The following URB1 variants were observed in gnomAD, a reference collection of about 807,000 sequenced individuals.
URB1 encodes the protein nucleolar pre-ribosomal-associated protein 1.
In URB1, 197 loss-of-function variants were observed where a neutral mutation model predicts 242.3. That is an observed-to-expected ratio of 0.81 (90% confidence interval 0.72 to 0.91). The LOEUF is 0.91. URB1 is among the 40% of genes least tolerant of loss of function. The probability of loss-of-function intolerance (pLI) is 0.00; values close to 1 mark genes in which losing one functional copy is unlikely to be tolerated. For missense variants in URB1, 2,721 were observed against 2,860.5 expected (o/e 0.95, Z 1.11); for synonymous variants, 1,153 against 1,201.8 (o/e 0.96, Z 0.84).
At position 32,354,859 on chromosome 21, in the gene URB1, C is replaced by G. The variant is rs1436899014; in HGVS notation, c.2245G>C (p.Asp749His). ...CAGCGCAGAACAGAATGGAACATAC[C>G]GTCAATGTGGGAGATGGGAATGCTC... ...DMSIPISHID[D>H]VLDMVDVLVE... Residue 749 changes from aspartate (D) to histidine (H), a missense_variant and splice_region_variant, in exon 17 of 39, where the codon GAT becomes CAT. Physicochemically the swap from Asp to His is moderately conservative, Grantham distance 81. Coordinates refer to ENST00000382751, the MANE Select transcript of URB1 (RefSeq NM_014825.3). 7.7e-6 allele frequency: 12 copies of G among 1,552,158 alleles called. No individual in the cohort carries two copies. The South Asian group carries it at 1.4e-4, about 18-fold the overall frequency.
intron 1 of URB1, among the ~76,000 whole-genome samples, chr21:32,390,294 G>A (rs1032888480): frequency 5.3e-5 from 8 of 152,132 alleles, no homozygotes; most frequent in Non-Finnish European, 1.0e-4. Context: ...ACAATTAAAC[G>A]TGCTCTTTCT....
At chr21:32,364,769 T>C (rs1283853143) in intron 10 of URB1, among the ~76,000 whole-genome samples, 2 of 149,204 alleles carry the variant, frequency 1.3e-5, no homozygotes, top group African/African-American at 4.8e-5. Flanking sequence ...TAAAAGTTTT[T>C]TAGACAAAAC....
intron 5 of URB1, among the ~76,000 whole-genome samples, chr21:32,377,691 C>T (rs1209754148): frequency 6.6e-6 from 1 of 152,146 alleles, no homozygotes; most frequent in Non-Finnish European, 1.5e-5. Flanking sequence ...CCGGCAGTCA[C>T]GTTCCAGGGG....
intron 21 of URB1, among the ~76,000 whole-genome samples, chr21:32,348,201 CCAT>C (rs2033116234): frequency 6.6e-6 from 1 of 152,170 alleles, no homozygotes; most frequent in Non-Finnish European, 1.5e-5. Context: ...AGAAACACCA[CCAT>C]GTGAGTAAGA....
At chr21:32,342,205 G>A (rs542455183) in intron 24 of URB1, among the ~76,000 whole-genome samples, 117 of 152,214 alleles carry the variant, frequency 7.7e-4, no homozygotes, top group African/African-American at 2.6e-3. Flanking sequence ...TTTGTAATTA[G>A]CCTTTTATTA....
Position 32,347,782 on chromosome 21 carries a change from G to A in URB1, c.3042C>T (p.Leu1014=), listed in dbSNP as rs751630379. ...ACCAGCCCTCCAGGGTGGGGTGCCT[G>A]AGGATGGCCACAAGCACCTCCTCCA... ...QTLEEVLVAI[L]RHPTLEGWFL... is the part of the protein sequence containing the mutation. The change falls in exon 22 of 39, where the codon CTC becomes CTT. Residue 1014 remains leucine (L), a synonymous_variant. Coordinates refer to ENST00000382751, the MANE Select transcript of URB1 (RefSeq NM_014825.3). 5 of 1,546,836 alleles carry A rather than the reference G, an allele frequency of 3.2e-6. No homozygotes were observed. Among genetic ancestry groups the A allele is most frequent in the South Asian group, 2.4e-5 (2 of 84,008 alleles).
intron 8 of URB1, among the ~76,000 whole-genome samples, chr21:32,369,719 G>C (rs376994774): frequency 4.6e-5 from 7 of 152,232 alleles, no homozygotes; most frequent in African/African-American, 1.7e-4. Context: ...AAGACAGCAC[G>C]AGGTCTTTGC....
Position 32,363,307 on chromosome 21 carries a change from T to C in URB1, c.1358A>G (p.His453Arg). Residue 453 changes from histidine to arginine, a missense_variant, in exon 11 of 39, where the codon CAC (histidine) becomes CGC (arginine). Coordinates refer to ENST00000382751, the MANE Select transcript of URB1 (RefSeq NM_014825.3). ...ALNLDSTSVR[H>R]TALSLISVIL... is the part of the protein sequence containing the mutation. ...GACAGAAATAAGGGATAAGGCTGTG[T>C]GCCTCACTGAGGTGCTGTCCAACTG... 6.4e-7 allele frequency: 1 copy of C among 1,551,624 alleles called. No individual in the cohort carries two copies. Among genetic ancestry groups the C allele is most frequent in the Non-Finnish European group, 8.7e-7 (1 of 1,147,012 alleles).
intron 5 of URB1, chr21:32,377,324 T>C (rs1435997140): frequency 3.9e-6 from 2 of 508,268 alleles, no homozygotes; most frequent in African/African-American, 3.9e-5. Flanking sequence ...AACCCATGCA[T>C]AAGCACCTTA....
intron 25 of URB1, 62 bp downstream of exon 25, chr21:32,341,404 T>C (rs1601133205): frequency 6.7e-7 from 1 of 1,491,024 alleles, no homozygotes; most frequent in Non-Finnish European, 9.1e-7. Flanking sequence ...AAAAGAGGCT[T>C]TGCATGCTGA....
chr21:32,361,827 G>A, intron 12 of URB1, 65 bp downstream of exon 12: 4 of 1,518,840 alleles, frequency 2.6e-6, no homozygotes, highest in Non-Finnish European at 3.5e-6. Flanking sequence ...AGCTATCCTA[G>A]GCTGCCAGTG....
At position 32,361,915 on chromosome 21, in the gene URB1, G is replaced by A. The variant is rs2033292480; in HGVS notation, c.1616C>T (p.Ala539Val). ...KGQKRSDGPP[A>V]ACDAHQCDDA... The stretch of plus-strand genomic sequence containing the variant: ...ACCGCACTGGTGAGCATCGCAGGCA[G>A]CCGGGGGCCCATCGCTCCTTTTCTG... Residue 539 changes from alanine to valine, a missense_variant, in exon 12 of 39, where the codon GCT becomes GTT. Transcript: ENST00000382751. 1.3e-6 allele frequency: 2 copies of A among 1,551,276 alleles called. No individual in the cohort carries two copies. Among genetic ancestry groups the A allele is most frequent in the African/African-American group, 2.7e-5 (2 of 73,034 alleles).
Position 32,385,665 on chromosome 21 carries a change from A to G in URB1, c.162T>C (p.Ser54=). 1 of 1,551,626 alleles carries G rather than the reference A, an allele frequency of 6.4e-7. No individual in the cohort carries two copies. The highest frequency in any genetic ancestry group is 8.7e-7 in the Non-Finnish European group (1 of 1,146,978). The change falls in exon 2 of 39, where the codon TCT becomes TCC. Residue 54 remains serine, a synonymous_variant. Coordinates refer to ENST00000382751, the MANE Select transcript of URB1 (RefSeq NM_014825.3). ...CTTCTCGTGGTAGCTTCTTGGCAGCAGACACAAACGCTTCCAAGCCTGAAA... is the reference window on the plus strand; with the variant it reads ...CTTCTCGTGGTAGCTTCTTGGCAGCGGACACAAACGCTTCCAAGCCTGAAA... ...GPGPGLEAFV[S]AAKKLPREDV...
At chr21:32,378,269 A>ATT (rs1301309759) in intron 5 of URB1, among the ~76,000 whole-genome samples, 176 bp downstream of exon 5, 5 of 152,136 alleles carry the variant, frequency 3.3e-5, no homozygotes, top group Non-Finnish European at 5.9e-5. Context: ...GTGATATCAA[A>ATT]ATGGTACTGA....
chr21:32,373,822 C>G (rs766608003), intron 6 of URB1, 50 bp from the exon 7 acceptor site: 1 of 1,426,152 alleles, frequency 7.0e-7, no homozygotes, highest in Non-Finnish European at 9.3e-7. Context: ...TGAAAAAGTT[C>G]ATGGAATTCA....
chr21:32,337,631 T>C (rs2032976771), intron 26 of URB1, 117 bp from the exon 27 acceptor site: 3 of 735,796 alleles, frequency 4.1e-6, no homozygotes, highest in East Asian at 2.8e-5. Flanking sequence ...CTCTGAATAA[T>C]ACTGGTGTTT....
intron 19 of URB1, among the ~76,000 whole-genome samples, chr21:32,351,881 C>G (rs917204863): frequency 1.3e-5 from 2 of 152,238 alleles, no homozygotes. Context: ...CAAATCCTGA[C>G]TCCGCCACTG....
rs768215401 is a variant in URB1 at position 32,317,782 on chromosome 21, C to T, written c.5928G>A (p.Lys1976=). Residue 1976 remains lysine, a synonymous_variant, in exon 37 of 39, where the codon AAG becomes AAA. Coordinates refer to ENST00000382751, the MANE Select transcript of URB1 (RefSeq NM_014825.3). ...FTVNETVLST[K]DVLVLLHKWS... ...ACTTGTGCAAGAGGACAAGGACGTC[C>T]TTGGTGGAAAGCACTGTCTCATTTA... The T allele has an allele frequency of 2.6e-5, 40 of 1,551,952 alleles. No homozygotes were observed. Among genetic ancestry groups the T allele is most frequent in the Non-Finnish European group, 3.5e-5 (40 of 1,147,054 alleles).
rs549384572 is a variant in URB1, at chr21:32,379,965, C to T, written c.568-1424G>A. On this transcript the variant is annotated intron_variant, in intron 4 of 38. Transcript: ENST00000382751. ...CTGCACTCCAACCTGGGCGACAGAG[C>T]GAGACTCCATCTCAAAAAAAAAAAA... 6.3e-3 allele frequency among the ~76,000 whole-genome samples: 946 copies of T among 150,334 alleles called. 11 individuals are homozygous for T. Among genetic ancestry groups the T allele is most frequent in the African/African-American group, 0.022 (916 of 40,908 alleles).
Sources: gnomAD v4.1 joint callset for allele counts (sites outside exome capture counted in the v4.1 genomes callset) on GRCh38, gnomAD v4.1.1 for gene constraint, MANE v1.5 for transcripts, NCBI Gene and HGNC (gene_info 2026-07-23, HGNC 2026-07-21) for gene names.